NUDT3: variants seen among roughly 807,000 people sequenced by gnomAD.
The protein encoded by NUDT3 is nudix hydrolase 3.
A neutral mutation model predicts 23.6 loss-of-function variants in NUDT3; 9 were observed. The observed-to-expected ratio is 0.38, with a 90% confidence interval of 0.23 to 0.66. The LOEUF is 0.66. Ranked by LOEUF, NUDT3 falls within the 30% of genes least tolerant of loss-of-function variation. The pLI, the probability that NUDT3 is intolerant of heterozygous loss-of-function variation, is 0.52. For synonymous variants in NUDT3, 86 were observed against 82.6 expected, an observed-to-expected ratio of 1.04 and a Z score of -0.22; for missense variants, 172 against 218.5, an observed-to-expected ratio of 0.79 and a Z score of 1.34.
intron 2 of NUDT3, among the ~76,000 whole-genome samples, chr6:34,329,057 A>G (rs1013740857): frequency 1.3e-5 from 2 of 152,142 alleles, no homozygotes; most frequent in Non-Finnish European, 2.9e-5. Context: ...GTGACAATGA[A>G]TATCTTAAAT....
At chr6:34,292,140 G>A (rs559660659) in intron 4 of NUDT3, among the ~76,000 whole-genome samples, 5 of 152,228 alleles carry the variant, frequency 3.3e-5, no homozygotes, top group South Asian at 2.1e-4. Context: ...CACATCCACC[G>A]CAGTCTCCTT....
intron 1 of NUDT3, among the ~76,000 whole-genome samples, chr6:34,365,492 A>C (rs1764713509): frequency 6.6e-6 from 1 of 152,232 alleles, no homozygotes; most frequent in Non-Finnish European, 1.5e-5. Context: ...AAAAGGAATG[A>C]GATTCTGACA....
At chr6:34,379,075 G>A (rs550652383) in intron 1 of NUDT3, among the ~76,000 whole-genome samples, 101 of 152,218 alleles carry the variant, frequency 6.6e-4, no homozygotes, top group Admixed American at 2.6e-3. Context: ...TTCACCCACA[G>A]CAACGTAGTT....
intron 2 of NUDT3, among the ~76,000 whole-genome samples, chr6:34,336,091 AAACCCCGTCTC>A (rs774875398): frequency 2.0e-5 from 3 of 152,070 alleles, no homozygotes; most frequent in Non-Finnish European, 4.4e-5. Flanking sequence ...CAACATGATG[AAACCCCGTCTC>A]TACTAAAAAT....
intron 2 of NUDT3, among the ~76,000 whole-genome samples, chr6:34,336,281 G>A (rs1026767625): frequency 1.3e-5 from 2 of 151,622 alleles, no homozygotes; most frequent in East Asian, 1.9e-4. Context: ...ACAAACAAAA[G>A]GTTATATACA....
At chr6:34,297,710 G>A (rs1449212635) in intron 2 of NUDT3, among the ~76,000 whole-genome samples, 7 of 118,276 alleles carry the variant, frequency 5.9e-5, no homozygotes, top group African/African-American at 2.2e-4. Context: ...CACTACACCC[G>A]GCTAATGTAA....
intron 2 of NUDT3, among the ~76,000 whole-genome samples, chr6:34,340,442 C>A (rs2113733743): frequency 6.6e-6 from 1 of 152,286 alleles, no homozygotes; most frequent in East Asian, 1.9e-4. Context: ...GGAAGATATT[C>A]AAATGAAGGA....
chr6:34,332,328 T>C (rs547908623), intron 2 of NUDT3, among the ~76,000 whole-genome samples: 2 of 152,188 alleles, frequency 1.3e-5, no homozygotes, highest in Admixed American at 1.3e-4. Flanking sequence ...TATTTACTGT[T>C]CATTAGGTGG....
At chr6:34,319,749 T>C (rs1763911943) in intron 2 of NUDT3, among the ~76,000 whole-genome samples, 1 of 152,206 alleles carries the variant, frequency 6.6e-6, no homozygotes, top group South Asian at 2.1e-4. Flanking sequence ...TGTGCAGGAT[T>C]TCTTCCTCTA....
Position 34,287,720 on chromosome 6 carries a change from G to A in NUDT3, c.*1033C>T, listed in dbSNP as rs1257934926. The stretch of plus-strand genomic sequence containing the variant: ...TGGATGATACCCAGGTCAGCACGGT[G>A]TAAGGCATATATGGACACAAAGAGA... On this transcript the variant is annotated 3_prime_UTR_variant, in exon 5 of 5. Coordinates refer to ENST00000607016, the MANE Select transcript of NUDT3 (RefSeq NM_006703.4). 1.3e-5 allele frequency: 2 copies of A among 152,246 alleles called. No homozygotes were observed. Among genetic ancestry groups the A allele is most frequent in the South Asian group, 2.1e-4 (1 of 4,836 alleles). 9.4% of individuals were successfully genotyped at this position (152,246 alleles called of 1,614,324 possible). A position where few individuals can be genotyped will look rare whatever the true frequency, so the allele number is the denominator to read the frequency against.
At chr6:34,306,888 A>G (rs1763689136) in intron 2 of NUDT3, among the ~76,000 whole-genome samples, 2 of 152,222 alleles carry the variant, frequency 1.3e-5, no homozygotes, top group African/African-American at 4.8e-5. Context: ...AATACCTTTA[A>G]ATTAGTCAAT....
chr6:34,354,435 A>ACACT (rs1210510268), intron 1 of NUDT3, among the ~76,000 whole-genome samples: 1 of 146,864 alleles, frequency 6.8e-6, no homozygotes, highest in Non-Finnish European at 1.5e-5. Context: ...ACACATACAC[A>ACACT]CTCTTGGCCG....
At position 34,340,397 on chromosome 6, in the gene NUDT3, T is replaced by C. The variant is rs75762059; in HGVS notation, c.210+1465A>G. Among the ~76,000 whole-genome samples the C allele has an allele frequency of 2.6e-4, 39 of 152,362 alleles. No individual in the cohort carries two copies. The East Asian group carries it at 7.5e-3, about 29-fold the overall frequency. On this transcript the variant is annotated intron_variant, in intron 2 of 4. Transcript: ENST00000607016. Reference sequence around the variant, plus strand: ...TACTCATGTTCTCGTTTGAACCTCATATTCCCCTCCCCTCCCTCCATGATG... The same window carrying C: ...TACTCATGTTCTCGTTTGAACCTCACATTCCCCTCCCCTCCCTCCATGATG...
chr6:34,374,956 T>G (rs959757498), intron 1 of NUDT3, among the ~76,000 whole-genome samples: 3 of 152,250 alleles, frequency 2.0e-5, no homozygotes, highest in African/African-American at 7.2e-5. Context: ...TACCGTTCTC[T>G]TTCCCCTCTC....
intron 2 of NUDT3, among the ~76,000 whole-genome samples, chr6:34,297,025 G>A (rs183431286): frequency 1.1e-3 from 168 of 150,330 alleles, no homozygotes; most frequent in Non-Finnish European, 2.1e-3. Context: ...TCCATCTCCC[G>A]GGTTCAAGCG....
At chr6:34,331,146 C>T (rs1764121532) in intron 2 of NUDT3, among the ~76,000 whole-genome samples, 1 of 152,200 alleles carries the variant, frequency 6.6e-6, no homozygotes, top group Non-Finnish European at 1.5e-5. Flanking sequence ...TGAGCCACCG[C>T]ACCTGGCCTA....
In NUDT3 at chr6:34,287,746, G is replaced by A. The variant is rs1309342448; in HGVS notation, c.*1007C>T. The A allele has an allele frequency of 6.6e-6, 1 of 152,226 alleles. No individual in the cohort carries two copies. Among genetic ancestry groups the A allele is most frequent in the Non-Finnish European group, 1.5e-5 (1 of 68,054 alleles). 9.4% of individuals were successfully genotyped at this position (152,226 alleles called of 1,614,324 possible). On this transcript the variant is annotated 3_prime_UTR_variant, in exon 5 of 5. Transcript: ENST00000607016. ...TAAGGCATATATGGACACAAAGAGA[G>A]GCCATTGTTGGCAATAAATAGCATT...
intron 1 of NUDT3, among the ~76,000 whole-genome samples, chr6:34,351,268 C>A (rs1033616387): frequency 6.1e-5 from 8 of 130,628 alleles, no homozygotes; most frequent in Admixed American, 4.3e-4. Context: ...TGAGGCCAGG[C>A]GTTCAAGACC....
Position 34,392,350 on chromosome 6 carries a change from T to G in NUDT3, c.13A>C (p.Lys5Gln). The change falls in exon 1 of 5, where the codon AAG (lysine) becomes CAG (glutamine). Residue 5 changes from lysine (K) to glutamine (Q), a missense_variant. Lys to Gln is a moderately conservative substitution (Grantham distance 53). Around this residue, in one of 3 missense-constraint regions of NUDT3, gnomAD observed 50 missense variants for 46.2 expected, o/e 1.08. Coordinates refer to ENST00000607016, the MANE Select transcript of NUDT3 (RefSeq NM_006703.4). MMKL[K>Q]SNQTRTYDGD... ...TCGTAGGTGCGGGTCTGGTTCGACTTGAGCTTCATCATCCTCCGGGCCCGG... is the reference window on the plus strand; with the variant it reads ...TCGTAGGTGCGGGTCTGGTTCGACTGGAGCTTCATCATCCTCCGGGCCCGG... 2.5e-6 allele frequency: 4 copies of G among 1,603,494 alleles called. No individual in the cohort carries two copies. Among genetic ancestry groups the G allele is most frequent in the Non-Finnish European group, 3.4e-6 (4 of 1,176,428 alleles).
Sources: allele counts gnomAD v4.1 joint callset (sites outside exome capture counted in the v4.1 genomes callset), GRCh38; gene constraint gnomAD v4.1.1; regional missense constraint gnomAD v4.1.1; transcripts MANE v1.5; gene names NCBI Gene and HGNC (gene_info 2026-07-23, HGNC 2026-07-21).